The following RBFOX1 variants were observed in gnomAD, a reference collection of about 807,000 sequenced individuals.
RBFOX1 encodes the protein RNA binding protein fox-1 homolog 1.
Under a neutral mutation model 57.7 loss-of-function variants are expected in RBFOX1, and 8 were observed. The ratio of observed to expected loss-of-function variants is 0.14; its 90% CI spans 0.08 to 0.25. The LOEUF (loss-of-function observed/expected upper bound fraction) is 0.25, where lower values mean the gene tolerates loss of function less well. Among genes scored for constraint, RBFOX1 ranks in the 10% least tolerant of loss-of-function variants. RBFOX1 has a pLI of 1.00. For synonymous variants in RBFOX1, 326 were observed against 222.4 expected (o/e 1.47, Z -4.15); for missense variants, 611 against 548.5 (o/e 1.11, Z -1.14).
At chr16:7,208,022 G>A (rs987464791) in intron 4 of RBFOX1, among the ~76,000 whole-genome samples, 3 of 152,242 alleles carry the variant, frequency 2.0e-5, no homozygotes, top group Middle Eastern at 3.4e-3. Context: ...TGAAACCGGC[G>A]CATGGTATCT....
At chr16:5,988,090 G>A (rs2060317360) in intron 4 of RBFOX1, among the ~76,000 whole-genome samples, 1 of 152,156 alleles carries the variant, frequency 6.6e-6, no homozygotes, top group Non-Finnish European at 1.5e-5. Context: ...CCGACATCAT[G>A]GCAGAAAATT....
chr16:7,215,417 C>G (rs896330352), intron 4 of RBFOX1, among the ~76,000 whole-genome samples: 2 of 152,136 alleles, frequency 1.3e-5, no homozygotes, highest in Non-Finnish European at 2.9e-5. Flanking sequence ...TGGAACCAAC[C>G]CAAATGTCCA....
At chr16:6,588,620 C>A (rs1173197807) in intron 2 of RBFOX1, among the ~76,000 whole-genome samples, 1 of 152,134 alleles carries the variant, frequency 6.6e-6, no homozygotes, top group Non-Finnish European at 1.5e-5. Flanking sequence ...CCACTGCACT[C>A]CAGTCTGGGC....
chr16:7,710,448 G>A, intron 15 of RBFOX1, 175 bp from the exon 16 acceptor site: 2 of 1,437,536 alleles, frequency 1.4e-6, no homozygotes, highest in South Asian at 1.6e-5. Context: ...GGAGCTATTG[G>A]GGAAGGTCAG....
At chr16:7,449,840 T>C (rs1207751775) in intron 4 of RBFOX1, among the ~76,000 whole-genome samples, 1 of 152,066 alleles carries the variant, frequency 6.6e-6, no homozygotes, top group Non-Finnish European at 1.5e-5. Flanking sequence ...TAAAGTGTTC[T>C]TCCCATGAGG....
chr16:6,883,905 G>T (rs1296475061), intron 3 of RBFOX1, among the ~76,000 whole-genome samples: 1 of 151,996 alleles, frequency 6.6e-6, no homozygotes, highest in East Asian at 1.9e-4. Flanking sequence ...ACTTAAGTTA[G>T]AGGGGAACAT....
At chr16:5,310,557 C>G (rs2064059733) in intron 1 of RBFOX1, among the ~76,000 whole-genome samples, 1 of 152,078 alleles carries the variant, frequency 6.6e-6, no homozygotes, top group Non-Finnish European at 1.5e-5. Context: ...TGTACCTGTC[C>G]AGGTCATTTT....
At chr16:7,339,172 C>G (rs1299222280) in intron 4 of RBFOX1, among the ~76,000 whole-genome samples, 3 of 152,128 alleles carry the variant, frequency 2.0e-5, no homozygotes, top group Admixed American at 2.0e-4. Context: ...CCTCAGTTTT[C>G]TAGGCTGCAA....
Position 5,629,365 on chromosome 16 carries a change from C to G in RBFOX1, c.318+30404C>G, listed in dbSNP as rs543776713. Reference sequence around the variant, plus strand: ...AACAAGAGCAGACCCAGCTATAAACCCACACAGCTCTGCCGTGGTCAACCA... The same window carrying G: ...AACAAGAGCAGACCCAGCTATAAACGCACACAGCTCTGCCGTGGTCAACCA... On this transcript the variant is annotated intron_variant, in intron 3 of 19. Coordinates refer to the RBFOX1 transcript ENST00000641259. Among the ~76,000 whole-genome samples, 15 of 152,280 alleles carry G rather than the reference C, an allele frequency of 9.9e-5. No individual in the cohort carries two copies. In the South Asian group the frequency reaches 2.3e-3, roughly 23 times the overall value.
chr16:6,903,195 G>C (rs2068901661), intron 3 of RBFOX1, among the ~76,000 whole-genome samples: 1 of 152,150 alleles, frequency 6.6e-6, no homozygotes, highest in Non-Finnish European at 1.5e-5. Context: ...CATATACAAA[G>C]ATCTGGGGGC....
chr16:5,840,161 A>G (rs577855537), intron 3 of RBFOX1, among the ~76,000 whole-genome samples: 76 of 152,300 alleles, frequency 5.0e-4, no homozygotes, highest in African/African-American at 1.6e-3. Flanking sequence ...ATTGTGTTTT[A>G]GAAAAAGACC....
chr16:5,337,828 G>A (rs1274215571), intron 1 of RBFOX1, among the ~76,000 whole-genome samples: 1 of 152,152 alleles, frequency 6.6e-6, no homozygotes, highest in African/African-American at 2.4e-5. Flanking sequence ...TGTATTGCTT[G>A]AGCCCAGGAG....
intron 3 of RBFOX1, among the ~76,000 whole-genome samples, chr16:6,990,499 T>A (rs1215188704): frequency 6.6e-6 from 1 of 152,110 alleles, no homozygotes; most frequent in Non-Finnish European, 1.5e-5. Flanking sequence ...CATTCCCACC[T>A]GGGCAACAAG....
intron 3 of RBFOX1, among the ~76,000 whole-genome samples, chr16:6,979,175 C>G (rs894952950): frequency 2.0e-5 from 3 of 152,146 alleles, no homozygotes; most frequent in African/African-American, 7.2e-5. Flanking sequence ...TGATAGTATT[C>G]AGGAAGTTGA....
At chr16:6,447,716 G>T (rs762615636) in intron 2 of RBFOX1, among the ~76,000 whole-genome samples, 1 of 152,250 alleles carries the variant, frequency 6.6e-6, no homozygotes, top group African/African-American at 2.4e-5. Flanking sequence ...TTTGAAAGCC[G>T]CCTGTATGCC....
intron 4 of RBFOX1, among the ~76,000 whole-genome samples, chr16:7,275,958 C>T (rs191317557): frequency 7.2e-5 from 11 of 152,274 alleles, no homozygotes; most frequent in South Asian, 2.1e-4. Context: ...ACCACCACCA[C>T]GAAGTGTGTC....
At chr16:7,025,089 T>A (rs572422477) in intron 3 of RBFOX1, among the ~76,000 whole-genome samples, 1 of 152,200 alleles carries the variant, frequency 6.6e-6, no homozygotes, top group African/African-American at 2.4e-5. Flanking sequence ...GAAGCGAAAG[T>A]ATGTTTATTA....
intron 4 of RBFOX1, among the ~76,000 whole-genome samples, chr16:6,011,483 A>C (rs1030495489): frequency 1.3e-5 from 2 of 152,172 alleles, no homozygotes; most frequent in Non-Finnish European, 2.9e-5. Context: ...GTAAGCTTTG[A>C]AAATTTACTT....
At chr16:6,099,344 A>G (rs1164908701) in intron 1 of RBFOX1, among the ~76,000 whole-genome samples, 1 of 152,204 alleles carries the variant, frequency 6.6e-6, no homozygotes, top group Non-Finnish European at 1.5e-5. Flanking sequence ...AACACAAACT[A>G]CACCGAAATT....
Sources: gnomAD v4.1 joint callset for allele counts (sites outside exome capture counted in the v4.1 genomes callset) on GRCh38, gnomAD v4.1.1 for gene constraint, MANE v1.5 for transcripts, NCBI Gene and HGNC (gene_info 2026-07-23, HGNC 2026-07-21) for gene names.